Variants in FHAD1 observed in about 807,000 individuals in gnomAD.
FHAD1 encodes forkhead associated phosphopeptide binding domain 1, also known as forkhead-associated domain-containing protein 1.
Under a neutral mutation model 191.3 loss-of-function variants are expected in FHAD1, and 146 were observed. The ratio of observed to expected loss-of-function variants is 0.76; its 90% CI spans 0.67 to 0.88. The LOEUF is 0.88. FHAD1 is among the 40% of genes least tolerant of loss of function. The probability of loss-of-function intolerance (pLI) is 0.00; values close to 1 mark genes in which losing one functional copy is unlikely to be tolerated. For missense variants in FHAD1, 1,635 were observed against 1,785.8 expected, an observed-to-expected ratio of 0.92 and a Z score of 1.52; for synonymous variants, 616 against 672.3, an observed-to-expected ratio of 0.92 and a Z score of 1.29.
intron 2 of FHAD1, among the ~76,000 whole-genome samples, chr1:15,271,620 C>CGCCTGGGAAATAACTAATT (rs1656032922): frequency 6.6e-6 from 1 of 151,692 alleles, no homozygotes; most frequent in African/African-American, 2.4e-5. Context: ...AATAACTAAT[C>CGCCTGGGAAATAACTAATT]GCATGGGAAA....
chr1:15,297,392 A>T (rs534169602), intron 5 of FHAD1, among the ~76,000 whole-genome samples: 6 of 152,164 alleles, frequency 3.9e-5, no homozygotes, highest in Non-Finnish European at 7.4e-5. Flanking sequence ...TTTTGCACCA[A>T]CCTAATACTA....
At chr1:15,251,976 C>T (rs1218845222) in intron 2 of FHAD1, 99 bp downstream of exon 2, 2 of 987,946 alleles carry the variant, frequency 2.0e-6, no homozygotes, top group Non-Finnish European at 1.5e-6. Context: ...CTCTTGTACA[C>T]CACAACCTGG....
At chr1:15,283,100 A>C (rs1449459221) in intron 3 of FHAD1, among the ~76,000 whole-genome samples, 1 of 152,254 alleles carries the variant, frequency 6.6e-6, no homozygotes, top group Non-Finnish European at 1.5e-5. Flanking sequence ...TTACACAGAA[A>C]CGAAGGGGTG....
intron 4 of FHAD1, among the ~76,000 whole-genome samples, chr1:15,292,044 T>C (rs1273157336): frequency 2.0e-5 from 3 of 152,196 alleles, no homozygotes; most frequent in African/African-American, 7.2e-5. Context: ...TATGGCTGAA[T>C]TGTGTTCTCT....
At chr1:15,332,340 C>T (rs575108595) in intron 14 of FHAD1, among the ~76,000 whole-genome samples, 3 of 152,270 alleles carry the variant, frequency 2.0e-5, no homozygotes, top group Admixed American at 1.3e-4. Context: ...TGTGCACTGT[C>T]CCCTTCCCAC....
chr1:15,288,430 CCAGAAT>C (rs1181298530), intron 3 of FHAD1, among the ~76,000 whole-genome samples: 7 of 152,230 alleles, frequency 4.6e-5, no homozygotes, highest in African/African-American at 1.7e-4. Flanking sequence ...GGGGCCTCTG[CCAGAAT>C]CAGCTGTGCT....
chr1:15,319,287 A>T (rs1369273361), intron 10 of FHAD1, among the ~76,000 whole-genome samples: 1 of 152,256 alleles, frequency 6.6e-6, no homozygotes, highest in African/African-American at 2.4e-5. Context: ...TCAAATCATT[A>T]AAACCTCGTG....
intron 7 of FHAD1, 144 bp downstream of exon 7, chr1:15,308,880 G>C: frequency 7.9e-7 from 1 of 1,272,196 alleles, no homozygotes; most frequent in Non-Finnish European, 1.1e-6. Flanking sequence ...CCTTTAGGCA[G>C]TTCCTGTCCA....
chr1:15,355,731 C>T (rs1692515227), intron 20 of FHAD1, among the ~76,000 whole-genome samples: 1 of 152,100 alleles, frequency 6.6e-6, no homozygotes, highest in African/African-American at 2.4e-5. Context: ...TGAGGTCCTC[C>T]GTGGAATATC....
rs1191196582 is a variant in FHAD1 at position 15,381,657 on chromosome 1, G to A, written c.4022+206G>A. On this transcript the variant is annotated intron_variant, in intron 30 of 33. Coordinates refer to ENST00000688493, the MANE Select transcript of FHAD1 (RefSeq NM_001391957.1). The surrounding 1 kb of genome is among the most constrained non-coding windows in gnomAD (Gnocchi z 4.6). Reference sequence around the variant, plus strand: ...TCCCCGAGATCACGGCTGCAGAAGTGCACGGTTTCCCCATTCTGTGAACTA... The same window carrying A: ...TCCCCGAGATCACGGCTGCAGAAGTACACGGTTTCCCCATTCTGTGAACTA... Among the ~76,000 whole-genome samples the A allele has an allele frequency of 6.6e-6, 1 of 152,094 alleles. No homozygotes were observed. The highest frequency in any genetic ancestry group is 2.4e-5 in the African/African-American group (1 of 41,416).
chr1:15,312,989 T>C lies in FHAD1; in HGVS notation c.1040-68T>C. On this transcript the variant is annotated intron_variant, in intron 7 of 33. Coordinates refer to ENST00000688493, the MANE Select transcript of FHAD1 (RefSeq NM_001391957.1). This position sits in a 1 kb window ranked among gnomAD's most constrained non-coding sequence, Gnocchi z 4.7. The stretch of plus-strand genomic sequence containing the variant: ...CAGTGCCAGGCTCGTCACAAACTGG[T>C]TGACAGCGGCAGCGATGACAGTCAT... The C allele has an allele frequency of 6.5e-7, 1 of 1,533,132 alleles. No homozygotes were observed. The highest frequency in any genetic ancestry group is 8.8e-7 in the Non-Finnish European group (1 of 1,135,864). 95.0% of individuals were successfully genotyped at this position (1,533,132 alleles called of 1,614,324 possible). A position where few individuals can be genotyped will look rare whatever the true frequency, so the allele number is the denominator to read the frequency against.
At chr1:15,337,355 C>T (rs1684616602) in intron 14 of FHAD1, among the ~76,000 whole-genome samples, 1 of 152,210 alleles carries the variant, frequency 6.6e-6, no homozygotes, top group Non-Finnish European at 1.5e-5. Flanking sequence ...ATGACGAGGC[C>T]ACCATTCTAC....
chr1:15,289,328 T>C lies in FHAD1; in HGVS notation c.301-71T>C. ...ACCAAGACCTTGGGCAGCAATGCTG[T>C]GGCTGGGACAAAGAAATGGAGACCA... On this transcript the variant is annotated intron_variant, in intron 3 of 33. Coordinates refer to ENST00000688493, the MANE Select transcript of FHAD1 (RefSeq NM_001391957.1). The surrounding 1 kb of genome is among the most constrained non-coding windows in gnomAD (Gnocchi z 4.2). 4.7e-6 allele frequency: 7 copies of C among 1,502,640 alleles called. No individual in the cohort carries two copies. The highest frequency in any genetic ancestry group is 6.3e-6 in the Non-Finnish European group (7 of 1,119,594). 93.1% of individuals were successfully genotyped at this position (1,502,640 alleles called of 1,614,324 possible).
In FHAD1 at chr1:15,303,710, G is replaced by A. The variant is rs762207715; in HGVS notation, c.915+2269G>A. ...CTAAAAATACAAAAGTTAGCCAAGC[G>A]TGATGGTGCGTGCCTGTAATCCCAG... On this transcript the variant is annotated intron_variant, in intron 6 of 33. Coordinates refer to ENST00000688493, the MANE Select transcript of FHAD1 (RefSeq NM_001391957.1). 1.2e-4 allele frequency among the ~76,000 whole-genome samples: 18 copies of A among 152,218 alleles called. 1 individual carries two copies. In the Middle Eastern group the frequency reaches 0.027, roughly 230 times the overall value.
intron 25 of FHAD1, among the ~76,000 whole-genome samples, chr1:15,368,723 C>T (rs1386911019): frequency 1.3e-5 from 2 of 152,062 alleles, no homozygotes; most frequent in Admixed American, 6.6e-5. Context: ...GTGAATCACC[C>T]GAGGTCAGGA....
intron 1 of FHAD1, among the ~76,000 whole-genome samples, chr1:15,241,301 AGC>A (rs1391110652): frequency 2.6e-5 from 4 of 152,242 alleles, no homozygotes; most frequent in Non-Finnish European, 5.9e-5. Context: ...CATAACGTCA[AGC>A]GAAAGAAACC....
Position 15,316,542 on chromosome 1 carries a change from T to C in FHAD1, c.1260+75T>C. ...GACCTTGAGGTTCTTGGTGGGATCC[T>C]GGGCCATCACTAAGCATGAAGCTCT... On this transcript the variant is annotated intron_variant, in intron 9 of 33. Transcript: ENST00000688493. The surrounding 1 kb of genome is among the most constrained non-coding windows in gnomAD (Gnocchi z 4.3). 7.9e-7 allele frequency: 1 copy of C among 1,259,124 alleles called. No individual in the cohort carries two copies. Among genetic ancestry groups the C allele is most frequent in the South Asian group, 1.3e-5 (1 of 77,144 alleles). 78.0% of individuals were successfully genotyped at this position (1,259,124 alleles called of 1,614,324 possible).
chr1:15,374,705 A>G (rs866491442), intron 27 of FHAD1, 74 bp downstream of exon 27: 21 of 1,522,358 alleles, frequency 1.4e-5, no homozygotes, highest in Middle Eastern at 2.3e-4. Context: ...CCAGTTTGCC[A>G]GGACTACCAT....
chr1:15,327,973 C>G lies in FHAD1; in HGVS notation c.1558-304C>G, dbSNP rs1461853340. ...GCTTGAACCCAGGAGGCGGAGGTTG[C>G]GGTGAGCCGAGATCAAACCATTGCA... On this transcript the variant is annotated intron_variant, in intron 12 of 33. Coordinates refer to ENST00000688493, the MANE Select transcript of FHAD1 (RefSeq NM_001391957.1). The surrounding 1 kb of genome is among the most constrained non-coding windows in gnomAD (Gnocchi z 5.1). The G allele has an allele frequency of 1.9e-5, 3 of 157,380 alleles. No homozygotes were observed. In the East Asian group the frequency reaches 5.3e-4, roughly 28 times the overall value. 9.7% of individuals were successfully genotyped at this position (157,380 alleles called of 1,614,324 possible).
Sources: gnomAD v4.1 joint callset for allele counts (sites outside exome capture counted in the v4.1 genomes callset) on GRCh38, gnomAD v4.1.1 for gene constraint, Gnocchi (gnomAD v3.1) non-coding constraint, MANE v1.5 for transcripts, NCBI Gene and HGNC (gene_info 2026-07-23, HGNC 2026-07-21) for gene names.